Variants in ASIC2 observed in about 807,000 individuals in gnomAD.
The protein encoded by ASIC2 is acid sensing ion channel subunit 2.
In ASIC2, 25 loss-of-function variants were observed where a neutral mutation model predicts 57.3. The observed-to-expected ratio is 0.44, with a 90% CI of 0.32 to 0.61. ASIC2 has a LOEUF of 0.61. Among genes scored for constraint, ASIC2 ranks in the 20% least tolerant of loss-of-function variants. ASIC2 has a pLI of 0.06. For synonymous variants in ASIC2, 319 were observed against 307.5 expected (o/e 1.04, Z -0.39); for missense variants, 641 against 738.1 (o/e 0.87, Z 1.52).
At chr17:34,026,371 A>G (rs4622557) in intron 1 of ASIC2, among the ~76,000 whole-genome samples, 88,054 of 151,914 alleles carry the variant, frequency 0.58, 27,389 homozygotes, top group African/African-American at 0.81. Context: ...TTAGGTAGCA[A>G]GAGACAGGCC....
intron 1 of ASIC2, among the ~76,000 whole-genome samples, chr17:33,453,138 C>T (rs1162207074): frequency 6.6e-6 from 1 of 152,082 alleles, no homozygotes; most frequent in Admixed American, 6.6e-5. Flanking sequence ...CTGCAATTCT[C>T]ACAGTATGTG....
chr17:33,596,726 C>T (rs1291123027), intron 1 of ASIC2, among the ~76,000 whole-genome samples: 2 of 152,200 alleles, frequency 1.3e-5, no homozygotes, highest in Non-Finnish European at 2.9e-5. Context: ...TCTTCTTCCT[C>T]CTCCATGTCA....
intron 1 of ASIC2, among the ~76,000 whole-genome samples, chr17:33,242,952 G>A (rs1027342504): frequency 6.6e-6 from 1 of 152,210 alleles, no homozygotes; most frequent in African/African-American, 2.4e-5. Context: ...CACCAGCCCA[G>A]CTCACTGGAG....
chr17:33,870,546 C>G (rs1188650250), intron 1 of ASIC2, among the ~76,000 whole-genome samples: 1 of 151,812 alleles, frequency 6.6e-6, no homozygotes, highest in East Asian at 2.0e-4. Context: ...ATTCAGGGTG[C>G]CACCCCAGTT....
At chr17:33,554,088 G>C (rs1915832173) in intron 1 of ASIC2, among the ~76,000 whole-genome samples, 1 of 152,222 alleles carries the variant, frequency 6.6e-6, no homozygotes, top group African/African-American at 2.4e-5. Flanking sequence ...ACACAGGGCA[G>C]CCATGAAGAC....
intron 1 of ASIC2, among the ~76,000 whole-genome samples, chr17:33,598,254 G>C (rs996231340): frequency 6.6e-6 from 1 of 152,234 alleles, no homozygotes; most frequent in African/African-American, 2.4e-5. Context: ...GGTTGAATAT[G>C]TGGCTGCCTT....
intron 2 of ASIC2, among the ~76,000 whole-genome samples, chr17:33,105,043 A>T (rs923729486): frequency 6.6e-6 from 1 of 152,160 alleles, no homozygotes; most frequent in Non-Finnish European, 1.5e-5. Flanking sequence ...CTCAACAAAT[A>T]TGTAGTGTCC....
chr17:33,904,920 G>C (rs534333943), intron 1 of ASIC2, among the ~76,000 whole-genome samples: 1 of 152,140 alleles, frequency 6.6e-6, no homozygotes, highest in South Asian at 2.1e-4. Flanking sequence ...CTTAATTACA[G>C]AATGTCCTTT....
At chr17:33,281,841 A>T (rs1904962822) in intron 1 of ASIC2, among the ~76,000 whole-genome samples, 1 of 152,158 alleles carries the variant, frequency 6.6e-6, no homozygotes, top group African/African-American at 2.4e-5. Context: ...GCAGCTCTCT[A>T]ACGGCCACCC....
intron 1 of ASIC2, among the ~76,000 whole-genome samples, chr17:33,246,854 C>T (rs1001402946): frequency 6.6e-6 from 1 of 152,016 alleles, no homozygotes; most frequent in African/African-American, 2.4e-5. Flanking sequence ...GGTGGTTGCC[C>T]CCAGCCTTTC....
intron 1 of ASIC2, among the ~76,000 whole-genome samples, chr17:33,247,705 A>G (rs1259751177): frequency 6.6e-6 from 1 of 152,232 alleles, no homozygotes. Flanking sequence ...GGCTAAGCCA[A>G]GAGTAGGTTC....
chr17:33,644,599 C>A (rs1402248779), intron 1 of ASIC2, among the ~76,000 whole-genome samples: 1 of 152,090 alleles, frequency 6.6e-6, no homozygotes, highest in African/African-American at 2.4e-5. Flanking sequence ...ATGAATTAAC[C>A]CTCAAAAATG....
intron 1 of ASIC2, among the ~76,000 whole-genome samples, chr17:33,958,912 T>C (rs538986440): frequency 1.3e-5 from 2 of 152,220 alleles, no homozygotes; most frequent in South Asian, 4.1e-4. Flanking sequence ...TGCTTAGAAA[T>C]TTCTTCCACC....
intron 1 of ASIC2, among the ~76,000 whole-genome samples, chr17:33,926,706 G>A (rs567427190): frequency 3.0e-4 from 45 of 152,270 alleles, no homozygotes; most frequent in East Asian, 2.9e-3. Flanking sequence ...CCATTAATAC[G>A]GTGGGAAAAA....
chr17:33,964,210 C>T (rs1400247659), intron 1 of ASIC2, among the ~76,000 whole-genome samples: 1 of 152,168 alleles, frequency 6.6e-6, no homozygotes, highest in Non-Finnish European at 1.5e-5. Context: ...TCAGTAGATG[C>T]CTGTACAGCC....
chr17:33,589,852 C>T (rs1373514926), intron 1 of ASIC2, among the ~76,000 whole-genome samples: 2 of 152,208 alleles, frequency 1.3e-5, no homozygotes, highest in Non-Finnish European at 2.9e-5. Flanking sequence ...TGCTTGATTT[C>T]AGTTCTTTTG....
At chr17:33,213,447 G>A (rs1907358843) in intron 1 of ASIC2, among the ~76,000 whole-genome samples, 1 of 152,204 alleles carries the variant, frequency 6.6e-6, no homozygotes, top group Admixed American at 6.5e-5. Flanking sequence ...GTTTTCATGG[G>A]CCTGTTCTTT....
chr17:33,126,920 T>G (rs1290827120), intron 1 of ASIC2, among the ~76,000 whole-genome samples: 2 of 121,888 alleles, frequency 1.6e-5, no homozygotes, highest in Non-Finnish European at 3.2e-5. Flanking sequence ...GACTGCGGAC[T>G]GCAGTGGCGC....
chr17:33,810,955 A>G (rs1025649192), intron 1 of ASIC2, among the ~76,000 whole-genome samples: 1 of 152,050 alleles, frequency 6.6e-6, no homozygotes, highest in Non-Finnish European at 1.5e-5. Flanking sequence ...GGAAACAAAA[A>G]TCAGTGACTC....
Sources: gnomAD v4.1 joint callset for allele counts (sites outside exome capture counted in the v4.1 genomes callset) on GRCh38, gnomAD v4.1.1 for gene constraint, MANE v1.5 for transcripts, NCBI Gene and HGNC (gene_info 2026-07-23, HGNC 2026-07-21) for gene names.